STAB1: variants seen among roughly 807,000 people sequenced by gnomAD.
STAB1 encodes the protein stabilin-1.
STAB1 carries 250 observed loss-of-function variants against 332.4 expected under a neutral mutation model. The observed-to-expected ratio is 0.75, with a 90% CI of 0.68 to 0.84. The LOEUF is 0.84. STAB1 is among the 40% of genes least tolerant of loss of function. The probability of loss-of-function intolerance (pLI) is 0.00; values close to 1 mark genes in which losing one functional copy is unlikely to be tolerated. For synonymous variants in STAB1, 1,475 were observed against 1,390.4 expected (o/e 1.06, Z -1.35); for missense variants, 3,249 against 3,489.7 (o/e 0.93, Z 1.74).
In STAB1 at chr3:52,524,353, G is replaced by A. The variant is rs539920919; in HGVS notation, c.7710G>A (p.Lys2570=). ...ACACCCAGAGGATCCTCACAGTCAA[G>A]TGACGAGGCTGGGGCTGAAAGCAGA... ...FPDTQRILTV[K] is the part of the protein sequence containing the mutation. The change falls in exon 69 of 69, where the codon AAG becomes AAA. Residue 2570 remains lysine (K), a synonymous_variant. Coordinates refer to ENST00000321725, the MANE Select transcript of STAB1 (RefSeq NM_015136.3). The A allele has an allele frequency of 6.2e-6, 10 of 1,613,808 alleles. No individual in the cohort carries two copies. The South Asian group carries it at 1.1e-4, about 18-fold the overall frequency.
chr3:52,506,856 C>A lies in STAB1; in HGVS notation c.1989+6C>A. On this transcript the variant is annotated splice_donor_region_variant and intron_variant, in intron 18 of 68. Transcript: ENST00000321725. The stretch of plus-strand genomic sequence containing the variant: ...AGCAGCACAAGATTGTGGCGGTGAG[C>A]CTCGCCTGCACGGCCAGGGCCCTAC... 1.9e-6 allele frequency: 3 copies of A among 1,612,378 alleles called. No individual in the cohort carries two copies. Among genetic ancestry groups the A allele is most frequent in the Non-Finnish European group, 1.7e-6 (2 of 1,179,622 alleles).
In STAB1 at chr3:52,516,342, T is replaced by G; in HGVS notation, c.4145-14T>G. ...GGCACTGGGCAACTCCTATCCTCCT[T>G]TATACCACTGCAGTGTGTGACTGTG... On this transcript the variant is annotated splice_polypyrimidine_tract_variant and intron_variant, in intron 38 of 68. Transcript: ENST00000321725. 6.2e-7 allele frequency: 1 copy of G among 1,605,924 alleles called. No individual in the cohort carries two copies. The highest frequency in any genetic ancestry group is 1.7e-5 in the Admixed American group (1 of 59,206).
Position 52,513,168 on chromosome 3 carries a change from T to C in STAB1, c.3197T>C (p.Leu1066Pro). 6.3e-7 allele frequency: 1 copy of C among 1,581,866 alleles called. No individual in the cohort carries two copies. Among genetic ancestry groups the C allele is most frequent in the Non-Finnish European group, 8.6e-7 (1 of 1,164,230 alleles). Residue 1066 changes from leucine (L) to proline (P), a missense_variant, in exon 30 of 69, where the codon CTG becomes CCG. Leu to Pro is a moderately conservative substitution (Grantham distance 98). Transcript: ENST00000321725. ...FLQGALFEEE[L>P]ARLGGQEVAT... is the part of the protein sequence containing the mutation. The stretch of plus-strand genomic sequence containing the variant: ...CAGGGTGCCCTCTTCGAGGAGGAGC[T>C]GGCCCGGCTGGGTGGGCAGGAAGTG...
At chr3:52,502,591 G>A in intron 5 of STAB1, 41 bp from the exon 6 acceptor site, 1 of 1,563,178 alleles carries the variant, frequency 6.4e-7, no homozygotes, top group Non-Finnish European at 8.8e-7. Context: ...GTGTGCCTGG[G>A]AGAGGCTGGG....
chr3:52,522,540 C>T lies in STAB1; in HGVS notation c.6611-15C>T. On this transcript the variant is annotated splice_polypyrimidine_tract_variant and intron_variant, in intron 60 of 68. Coordinates refer to ENST00000321725, the MANE Select transcript of STAB1 (RefSeq NM_015136.3). Reference sequence around the variant, plus strand: ...CAGAGCCGGCCAGCTGACCATGCACCCCTCCATTCTGCAGAGAAACGGGCT... The same window carrying T: ...CAGAGCCGGCCAGCTGACCATGCACTCCTCCATTCTGCAGAGAAACGGGCT... The T allele has an allele frequency of 1.2e-6, 2 of 1,613,062 alleles. No individual in the cohort carries two copies. The highest frequency in any genetic ancestry group is 1.7e-6 in the Non-Finnish European group (2 of 1,180,016).
chr3:52,502,049 C>T lies in STAB1; in HGVS notation c.375C>T (p.Thr125=), dbSNP rs760217624. ...GAETPCNGHG[T]CLDGMDRNGT... The stretch of plus-strand genomic sequence containing the variant: ...AGACCCCATGCAATGGCCACGGGAC[C>T]TGCTTGGATGGCATGGACAGGAATG... Residue 125 remains threonine (T), a synonymous_variant, in exon 4 of 69, where the codon ACC becomes ACT. Transcript: ENST00000321725. The T allele has an allele frequency of 1.9e-6, 3 of 1,613,484 alleles. No individual in the cohort carries two copies. Among genetic ancestry groups the T allele is most frequent in the South Asian group, 2.2e-5 (2 of 91,068 alleles).
At position 52,523,570 on chromosome 3, in the gene STAB1, C is replaced by T. The variant is rs1158971287; in HGVS notation, c.7284C>T (p.Ala2428=). Residue 2428 remains alanine (A), a synonymous_variant, in exon 65 of 69, where the codon GCC becomes GCT. Transcript: ENST00000321725. The stretch of plus-strand genomic sequence containing the variant: ...CAGGCCCTGACAACAGTTCCTGGGC[C>T]CCTGTGGTGAGTCTGGCCACTGTCC... The part of the protein sequence containing the change: ...SDAGPDNSSW[A]PVAPGTVVVS... 10 of 1,612,816 alleles carry T rather than the reference C, an allele frequency of 6.2e-6. No homozygotes were observed. The highest frequency in any genetic ancestry group is 1.1e-5 in the South Asian group (1 of 91,084).
chr3:52,510,021 G>C lies in STAB1; in HGVS notation c.2499G>C (p.Leu833=). 1 of 1,607,648 alleles carries C rather than the reference G, an allele frequency of 6.2e-7. No homozygotes were observed. Among genetic ancestry groups the C allele is most frequent in the Non-Finnish European group, 8.5e-7 (1 of 1,176,218 alleles). The change falls in exon 23 of 69, where the codon CTG becomes CTC. Residue 833 remains leucine (L), a synonymous_variant. Transcript: ENST00000321725. Reference sequence around the variant, plus strand: ...CAGGGCTGGCCCAGCACTGCCACCTGCATGCCCGCTGTGTTAGCCAGGAGG... The same window carrying C: ...CAGGGCTGGCCCAGCACTGCCACCTCCATGCCCGCTGTGTTAGCCAGGAGG... ...GPTGLAQHCH[L]HARCVSQEGV... is the part of the protein sequence containing the mutation.
intron 17 of STAB1, 84 bp downstream of exon 17, chr3:52,506,334 GC>G (rs1384984865): frequency 7.8e-6 from 10 of 1,278,124 alleles, no homozygotes; most frequent in Non-Finnish European, 1.1e-5. Context: ...TGTGCTCCGA[GC>G]CCCGTGGTGG....
At chr3:52,506,553 G>A in intron 17 of STAB1, 139 bp from the exon 18 acceptor site, 1 of 954,644 alleles carries the variant, frequency 1.0e-6, no homozygotes, top group Non-Finnish European at 1.5e-6. Flanking sequence ...AGGAGAGGTG[G>A]CTGGTATGGC....
intron 50 of STAB1, 68 bp from the exon 51 acceptor site, chr3:52,519,876 G>A: frequency 6.7e-7 from 1 of 1,498,472 alleles, no homozygotes; most frequent in South Asian, 1.3e-5. Flanking sequence ...CTGTGGCACA[G>A]CCCCCTGCCT....
In STAB1 at chr3:52,522,194, C is replaced by T; in HGVS notation, c.6429C>T (p.Gly2143=). 6.2e-7 allele frequency: 1 copy of T among 1,612,724 alleles called. No individual in the cohort carries two copies. The highest frequency in any genetic ancestry group is 1.1e-5 in the South Asian group (1 of 91,064). Residue 2143 remains glycine (G), a synonymous_variant, in exon 59 of 69, where the codon GGC becomes GGT. Coordinates refer to ENST00000321725, the MANE Select transcript of STAB1 (RefSeq NM_015136.3). ...CCTGCACAGATGGCCACCGCGGGGG[C>T]TGCAGCGAGCACGCCAACTGCTTGA... is the stretch of plus-strand genomic sequence containing the variant. ...RNPCTDGHRG[G]CSEHANCLST...
In STAB1 at chr3:52,516,391, C is replaced by T. The variant is rs1008304658; in HGVS notation, c.4180C>T (p.Leu1394=). 3.1e-6 allele frequency: 5 copies of T among 1,609,804 alleles called. No individual in the cohort carries two copies. Reference sequence around the variant, plus strand: ...TGCCCATGGGCTGTGCCAGGAGGGGCTGCAAGGGGACGGAAGCTGTGTCTG... The same window carrying T: ...TGCCCATGGGCTGTGCCAGGAGGGGTTGCAAGGGGACGGAAGCTGTGTCTG... ...DCAHGLCQEG[L]QGDGSCVCNV... The change falls in exon 39 of 69, where the codon CTG becomes TTG. Residue 1394 remains leucine (L), a synonymous_variant. Transcript: ENST00000321725.
chr3:52,510,844 T>G (rs549862150), intron 25 of STAB1, among the ~76,000 whole-genome samples: 7 of 152,362 alleles, frequency 4.6e-5, no homozygotes, highest in Admixed American at 2.0e-4. Flanking sequence ...AGCTTTGCAG[T>G]GTCTGAATCT....
chr3:52,500,005 C>T (rs2153232797), intron 1 of STAB1, among the ~76,000 whole-genome samples: 1 of 150,992 alleles, frequency 6.6e-6, no homozygotes, highest in Non-Finnish European at 1.5e-5. Flanking sequence ...CCCAGGAGTT[C>T]AAGATTACAG....
chr3:52,514,254 G>T (rs1419167753), intron 33 of STAB1, 41 bp downstream of exon 33: 1 of 1,608,400 alleles, frequency 6.2e-7, no homozygotes, highest in Admixed American at 1.7e-5. Context: ...GAGGGCAAAG[G>T]CATAGAGGGC....
chr3:52,514,964 G>A, intron 35 of STAB1, 25 bp from the exon 36 acceptor site: 1 of 1,613,308 alleles, frequency 6.2e-7, no homozygotes, highest in Non-Finnish European at 8.5e-7. Flanking sequence ...TGGACTGCCT[G>A]ATGCCCCACC....
chr3:52,521,122 G>T (rs1289863726), intron 55 of STAB1, 117 bp downstream of exon 55: 3 of 1,315,214 alleles, frequency 2.3e-6, no homozygotes, highest in Non-Finnish European at 3.0e-6. Flanking sequence ...AGCTCTGGGT[G>T]GTGAGTAGAT....
chr3:52,495,956 T>C (rs72947525), intron 1 of STAB1, among the ~76,000 whole-genome samples: 2,794 of 152,282 alleles, frequency 0.018, 103 homozygotes, highest in African/African-American at 0.065. Flanking sequence ...TCACCCTTAG[T>C]GTCCGGGGTT....
Sources: gnomAD v4.1 joint callset for allele counts (sites outside exome capture counted in the v4.1 genomes callset) on GRCh38, gnomAD v4.1.1 for gene constraint, MANE v1.5 for transcripts, NCBI Gene and HGNC (gene_info 2026-07-23, HGNC 2026-07-21) for gene names.